Variants in BLOC1S3 observed in about 807,000 individuals in gnomAD.
The protein encoded by BLOC1S3 is biogenesis of lysosomal organelles complex 1 subunit 3, also known as biogenesis of lysosome-related organelles complex 1 subunit 3.
A neutral mutation model predicts 9.1 loss-of-function variants in BLOC1S3; 7 were observed. The ratio of observed to expected loss-of-function variants is 0.77; its 90% CI spans 0.44 to 1.45. The LOEUF is 1.45. Ranked by LOEUF, BLOC1S3 falls within the 40% of genes most tolerant of loss-of-function variation. BLOC1S3 has a pLI of 0.01. For synonymous variants in BLOC1S3, 145 were observed against 158.4 expected (o/e 0.92, Z 0.64); for missense variants, 307 against 315.2 (o/e 0.97, Z 0.20).
chr19:45,207,555 CAAAAAAAAAA>C (rs58164218), intron 3 of BLOC1S3, among the ~76,000 whole-genome samples: 16 of 64,746 alleles, frequency 2.5e-4, no homozygotes, highest in Non-Finnish European at 4.3e-4. Context: ...GACTCTGTCT[CAAAAAAAAAA>C]AAAAAAAAAA....
chr19:45,196,521 T>C (rs1013496310), intron 2 of BLOC1S3, among the ~76,000 whole-genome samples: 1 of 152,028 alleles, frequency 6.6e-6, no homozygotes, highest in Non-Finnish European at 1.5e-5. Context: ...GGAATATTCC[T>C]GAGGGAATTT....
At position 45,198,586 on chromosome 19, in the gene BLOC1S3, A is replaced by G. The variant is rs567014591; in HGVS notation, n.181-3820A>G. 7.2e-5 allele frequency among the ~76,000 whole-genome samples: 11 copies of G among 152,190 alleles called. No individual in the cohort carries two copies. In the South Asian group the frequency reaches 2.1e-3, roughly 29 times the overall value. On this transcript the variant is annotated intron_variant and non_coding_transcript_variant, in intron 2 of 3. Coordinates refer to the BLOC1S3 transcript ENST00000591569. ...TGGGATTACAGGCGTGAGCCGCCGC[A>G]CCCAGCCAACTTCATCACTTTCAAT...
At chr19:45,192,670 C>A (rs937102073) in intron 2 of BLOC1S3, among the ~76,000 whole-genome samples, 1 of 152,196 alleles carries the variant, frequency 6.6e-6, no homozygotes, top group Non-Finnish European at 1.5e-5. Flanking sequence ...TCCTTCAAGG[C>A]AGCAGTTTCT....
downstream of BLOC1S3, among the ~76,000 whole-genome samples, chr19:45,181,987 A>G (rs533621822): frequency 5.4e-4 from 82 of 152,050 alleles, no homozygotes; most frequent in African/African-American, 1.9e-3. Context: ...TTCAACACAC[A>G]CGTTTTGGGT....
chr19:45,199,780 T>G (rs1166503347), intron 2 of BLOC1S3, among the ~76,000 whole-genome samples: 1 of 151,950 alleles, frequency 6.6e-6, no homozygotes, highest in Non-Finnish European at 1.5e-5. Context: ...CTTCTCTTTT[T>G]GAGACAGAGT....
At chr19:45,203,139 C>G (rs764849766) in intron 3 of BLOC1S3, among the ~76,000 whole-genome samples, 2 of 152,058 alleles carry the variant, frequency 1.3e-5, no homozygotes, top group Admixed American at 6.6e-5. Context: ...TCAAGCACTC[C>G]CTTGGCTGCC....
intron 2 of BLOC1S3, among the ~76,000 whole-genome samples, chr19:45,200,808 G>A (rs1969685286): frequency 6.6e-6 from 1 of 152,190 alleles, no homozygotes; most frequent in South Asian, 2.1e-4. Flanking sequence ...GGGAAGGCTT[G>A]CCAGGAAATT....
In BLOC1S3 at chr19:45,206,459, T is replaced by TTTTTG. The variant is rs1350229520; in HGVS notation, n.282+3956_282+3957insGTTTT. On this transcript the variant is annotated intron_variant and non_coding_transcript_variant, in intron 3 of 3. Transcript: ENST00000591569. Reference sequence around the variant, plus strand: ...CTTTTGGATTAATCAAGTTTTTTTTTTTTTTTTTTTTTTTGAGCAAGGATC... The same window carrying TTTTTG: ...CTTTTGGATTAATCAAGTTTTTTTTTTTTTGTTTTTTTTTTTTTTGAGCAAGGATC... Among the ~76,000 whole-genome samples, 33 of 123,450 alleles carry TTTTTG rather than the reference T, an allele frequency of 2.7e-4. 2 individuals are homozygous for TTTTTG. Among genetic ancestry groups the TTTTTG allele is most frequent in the African/African-American group, 9.7e-4 (29 of 29,968 alleles). 81.0% of individuals were successfully genotyped at this position (123,450 alleles called of 152,430 possible). A position where few individuals can be genotyped will look rare whatever the true frequency, so the allele number is the denominator to read the frequency against.
intron 2 of BLOC1S3, among the ~76,000 whole-genome samples, chr19:45,189,725 C>T (rs953769660): frequency 1.3e-4 from 20 of 151,902 alleles, no homozygotes; most frequent in African/African-American, 4.4e-4. Flanking sequence ...CGTGAGCCAC[C>T]ACGCCCGGCA....
intron 2 of BLOC1S3, among the ~76,000 whole-genome samples, chr19:45,199,638 T>C (rs892669411): frequency 6.6e-6 from 1 of 151,742 alleles, no homozygotes; most frequent in African/African-American, 2.4e-5. Flanking sequence ...TTTTTTCTTT[T>C]GTCTCCTCTG....
At chr19:45,210,488 G>A (rs1466369443) in intron 3 of BLOC1S3, among the ~76,000 whole-genome samples, 1 of 151,278 alleles carries the variant, frequency 6.6e-6, no homozygotes, top group Non-Finnish European at 1.5e-5. Context: ...TAGTAGAGAT[G>A]TGGTTTCTCC....
At chr19:45,200,794 T>C (rs1969685208) in intron 2 of BLOC1S3, among the ~76,000 whole-genome samples, 1 of 152,234 alleles carries the variant, frequency 6.6e-6, no homozygotes. Context: ...AACCCATCCT[T>C]CTTGGGAAGG....
chr19:45,198,016 A>T (rs1250904692), intron 2 of BLOC1S3, among the ~76,000 whole-genome samples: 1 of 152,006 alleles, frequency 6.6e-6, no homozygotes. Context: ...GTTGAGCCCG[A>T]GGTCACTGGT....
intron 3 of BLOC1S3, among the ~76,000 whole-genome samples, chr19:45,215,717 C>T (rs1969825262): frequency 6.6e-6 from 1 of 152,170 alleles, no homozygotes; most frequent in Admixed American, 6.5e-5. Flanking sequence ...CCGCCTGCGC[C>T]TGCCGCTGTC....
chr19:45,191,048 G>T (rs1016294529), intron 2 of BLOC1S3, among the ~76,000 whole-genome samples: 2 of 151,106 alleles, frequency 1.3e-5, no homozygotes, highest in Non-Finnish European at 2.9e-5. Context: ...CTCACGATCC[G>T]CCCGCCTCGG....
rs958197958 is a variant in BLOC1S3, at chr19:45,180,849, C to G, written c.*944C>G. The G allele has an allele frequency of 1.2e-5, 2 of 160,402 alleles. No homozygotes were observed. Among genetic ancestry groups the G allele is most frequent in the Middle Eastern group, 3.3e-3 (1 of 300 alleles). The allele number at this position is 160,402 out of a possible 1,614,324, so 9.9% of individuals were successfully genotyped here. A position where few individuals can be genotyped will look rare whatever the true frequency, so the allele number is the denominator to read the frequency against. On this transcript the variant is annotated 3_prime_UTR_variant, in exon 2 of 2. Coordinates refer to ENST00000433642, the MANE Select transcript of BLOC1S3 (RefSeq NM_212550.5). ...TCAAGCGATTCTCCTGCCTCAGCCT[C>G]CCGAGTAGCTAGGATTACAGGCATG...
intron 2 of BLOC1S3, among the ~76,000 whole-genome samples, chr19:45,200,417 C>T (rs1969681923): frequency 6.6e-6 from 1 of 151,804 alleles, no homozygotes; most frequent in Non-Finnish European, 1.5e-5. Context: ...CTCATGACCT[C>T]GTGATCCACC....
intron 2 of BLOC1S3, among the ~76,000 whole-genome samples, chr19:45,188,297 A>G (rs555088476): frequency 3.3e-5 from 5 of 152,258 alleles, no homozygotes; most frequent in African/African-American, 9.6e-5. Context: ...TGCTGGGATT[A>G]TAGGCATGAG....
intron 2 of BLOC1S3, among the ~76,000 whole-genome samples, chr19:45,195,449 C>T (rs923625369): frequency 2.0e-5 from 3 of 152,034 alleles, no homozygotes; most frequent in Non-Finnish European, 2.9e-5. Context: ...TCAAGTGATC[C>T]GCCCACTTTG....
Sources: gnomAD v4.1 joint callset for allele counts (sites outside exome capture counted in the v4.1 genomes callset) on GRCh38, gnomAD v4.1.1 for gene constraint, MANE v1.5 for transcripts, NCBI Gene and HGNC (gene_info 2026-07-23, HGNC 2026-07-21) for gene names.